SDK2: variants seen among roughly 807,000 people sequenced by gnomAD.
SDK2 encodes protein sidekick-2.
In SDK2, 105 loss-of-function variants were observed where a neutral mutation model predicts 253.9. The observed-to-expected ratio is 0.41, with a 90% confidence interval of 0.35 to 0.49. SDK2 has a LOEUF of 0.49. SDK2 is among the 20% of genes least tolerant of loss of function. SDK2 has a pLI of 0.06. For synonymous variants in SDK2, 1,249 were observed against 1,234.9 expected (o/e 1.01, Z -0.24); for missense variants, 2,608 against 3,003.0 (o/e 0.87, Z 3.07).
chr17:73,402,081 A>G lies in SDK2; in HGVS notation c.2545T>C (p.Phe849Leu). 6.2e-7 allele frequency: 1 copy of G among 1,614,042 alleles called. No individual in the cohort carries two copies. The highest frequency in any genetic ancestry group is 8.5e-7 in the Non-Finnish European group (1 of 1,179,892). Reference sequence around the variant, plus strand: ...AAGCCCACGTGGATGCTGTCTTGAAAGTTAGGCCGGGCGGTCACCATGGTA... The same window carrying G: ...AAGCCCACGTGGATGCTGTCTTGAAGGTTAGGCCGGGCGGTCACCATGGTA... ...EVTMVTARPN[F>L]QDSIHVGFVS... Residue 849 changes from phenylalanine (F) to leucine (L), a missense_variant, in exon 19 of 45, where the codon TTT (phenylalanine) becomes CTT (leucine). Phe to Leu is a conservative substitution (Grantham distance 22, BLOSUM62 0). Around this residue, in one of 2 missense-constraint regions of SDK2, gnomAD observed 1,505 missense variants for 1,859.1 expected, o/e 0.81. Coordinates refer to ENST00000392650, the MANE Select transcript of SDK2 (RefSeq NM_001144952.2).
At chr17:73,430,058 T>C (rs1041451702) in intron 12 of SDK2, among the ~76,000 whole-genome samples, 2 of 152,178 alleles carry the variant, frequency 1.3e-5, no homozygotes, top group African/African-American at 4.8e-5. Flanking sequence ...CCCACCCCTA[T>C]AGCTGATCCC....
Position 73,395,382 on chromosome 17 carries a change from T to G in SDK2, c.3365A>C (p.Glu1122Ala), listed in dbSNP as rs1476796799. The part of the protein sequence containing the change: ...SLWLRWMPLP[E>A]MEYNGNPESV... Reference sequence around the variant, plus strand: ...CTCAGGGTTCCCATTGTATTCCATCTCCGGGAGAGGCTGCAGCGGGGCAGG... The same window carrying G: ...CTCAGGGTTCCCATTGTATTCCATCGCCGGGAGAGGCTGCAGCGGGGCAGG... The change falls in exon 25 of 45, where the codon GAG becomes GCG. Residue 1122 changes from glutamate (E) to alanine (A), a missense_variant. Glu to Ala is a moderately radical substitution (Grantham distance 107). Coordinates refer to ENST00000392650, the MANE Select transcript of SDK2 (RefSeq NM_001144952.2). This position sits in a 1 kb window ranked among gnomAD's most constrained non-coding sequence, Gnocchi z 4.3. The G allele has an allele frequency of 1.9e-6, 3 of 1,613,746 alleles. No individual in the cohort carries two copies. Among genetic ancestry groups the G allele is most frequent in the Non-Finnish European group, 1.7e-6 (2 of 1,179,802 alleles).
At chr17:73,545,118 C>T (rs1163410363) in intron 1 of SDK2, among the ~76,000 whole-genome samples, 1 of 151,964 alleles carries the variant, frequency 6.6e-6, no homozygotes, top group East Asian at 1.9e-4. Flanking sequence ...CACACACACA[C>T]ACACACACAA....
intron 1 of SDK2, among the ~76,000 whole-genome samples, chr17:73,613,691 G>C (rs1418561136): frequency 6.7e-6 from 1 of 149,612 alleles, no homozygotes; most frequent in Non-Finnish European, 1.5e-5. Context: ...CCAGTGGCAC[G>C]TAGGGCCTCA....
At chr17:73,556,790 G>A (rs2045150745) in intron 1 of SDK2, among the ~76,000 whole-genome samples, 1 of 152,174 alleles carries the variant, frequency 6.6e-6, no homozygotes, top group South Asian at 2.1e-4. Flanking sequence ...TCACATCTGA[G>A]CTCTGCCCTG....
chr17:73,559,689 C>T (rs972385988), intron 1 of SDK2, among the ~76,000 whole-genome samples: 9 of 151,352 alleles, frequency 5.9e-5, no homozygotes, highest in African/African-American at 2.2e-4. Flanking sequence ...GGTCTGCAGC[C>T]TGAACAGGAT....
intron 44 of SDK2, among the ~76,000 whole-genome samples, chr17:73,348,372 C>T (rs1351294743): frequency 6.6e-6 from 1 of 152,198 alleles, no homozygotes; most frequent in South Asian, 2.1e-4. Flanking sequence ...CTTCGGGGTA[C>T]CCCCTATGAT....
Position 73,391,527 on chromosome 17 carries a change from G to A in SDK2, c.3910C>T (p.Pro1304Ser). 7.7e-7 allele frequency: 1 copy of A among 1,299,572 alleles called. No individual in the cohort carries two copies. Among genetic ancestry groups the A allele is most frequent in the Non-Finnish European group, 9.8e-7 (1 of 1,016,078 alleles). 80.5% of individuals were successfully genotyped at this position (1,299,572 alleles called of 1,614,324 possible). A position where few individuals can be genotyped will look rare whatever the true frequency, so the allele number is the denominator to read the frequency against. ...ERTLDDVPGP[P>S]MGILFPEVRT... ...ACCTCTGGGAACAGGATGCCCATGG[G>A]TGGTCCTGGGACTGGAGGGGGCAAA... Residue 1304 changes from proline to serine, a missense_variant, in exon 28 of 45, where the codon CCC becomes TCC. Coordinates refer to ENST00000392650, the MANE Select transcript of SDK2 (RefSeq NM_001144952.2).
chr17:73,512,829 G>C (rs1433089706), intron 1 of SDK2, among the ~76,000 whole-genome samples: 1 of 152,154 alleles, frequency 6.6e-6, no homozygotes, highest in Non-Finnish European at 1.5e-5. Context: ...TATGATGAAA[G>C]TAGAATTTCA....
intron 2 of SDK2, among the ~76,000 whole-genome samples, chr17:73,480,485 T>C (rs77436423): frequency 6.6e-6 from 1 of 152,084 alleles, no homozygotes; most frequent in South Asian, 2.1e-4. Context: ...AGTGGATCTT[T>C]TGATTGTGGA....
rs565119879 is a variant in SDK2 at position 73,393,425 on chromosome 17, C to T, written c.3898+135G>A. On this transcript the variant is annotated intron_variant, in intron 27 of 44. Coordinates refer to ENST00000392650, the MANE Select transcript of SDK2 (RefSeq NM_001144952.2). ...AGTGGGGCTGGTAGCTCTGGGTGAC[C>T]CATCCCTACCGGAGGCATCTGAGGC... The T allele has an allele frequency of 5.9e-6, 4 of 679,866 alleles. No individual in the cohort carries two copies. The East Asian group carries it at 9.1e-5, about 16-fold the overall frequency. 42.1% of individuals were successfully genotyped at this position (679,866 alleles called of 1,614,324 possible). A position where few individuals can be genotyped will look rare whatever the true frequency, so the allele number is the denominator to read the frequency against.
In SDK2 at chr17:73,457,706, C is replaced by T. The variant is rs139701343; in HGVS notation, c.332-1653G>A. Among the ~76,000 whole-genome samples the T allele has an allele frequency of 3.2e-3, 487 of 152,124 alleles. 4 individuals carry two copies. The highest frequency in any genetic ancestry group is 0.011 in the African/African-American group (439 of 41,492). ...CCTGGACCTGTGCACAGAATTCCCA[C>T]GTGCAGAAAGATTTCACACTGCTGA... is the stretch of plus-strand genomic sequence containing the variant. On this transcript the variant is annotated intron_variant, in intron 3 of 44. Transcript: ENST00000392650.
intron 1 of SDK2, among the ~76,000 whole-genome samples, chr17:73,596,248 G>A (rs1005939614): frequency 2.6e-5 from 4 of 152,080 alleles, no homozygotes; most frequent in African/African-American, 9.7e-5. Flanking sequence ...AGGCAGTGGC[G>A]ACCTCTATGA....
In SDK2 at chr17:73,643,722, G is replaced by A. The variant is rs1225411803; in HGVS notation, c.64+303C>T. ...TCGCTCCCCTCCCAAGCCGGCGCAG[G>A]GCAGCCACAGCAGACGGGGGGAGGG... On this transcript the variant is annotated intron_variant, in intron 1 of 44. Coordinates refer to ENST00000392650, the MANE Select transcript of SDK2 (RefSeq NM_001144952.2). The surrounding 1 kb of genome is among the most constrained non-coding windows in gnomAD (Gnocchi z 6.9). Among the ~76,000 whole-genome samples, 1 of 152,050 alleles carries A rather than the reference G, an allele frequency of 6.6e-6. No individual in the cohort carries two copies. Among genetic ancestry groups the A allele is most frequent in the Non-Finnish European group, 1.5e-5 (1 of 67,966 alleles).
Position 73,443,796 on chromosome 17 carries a change from CA to C in SDK2, c.614-2874del, listed in dbSNP as rs1042870175. Among the ~76,000 whole-genome samples the C allele has an allele frequency of 2.6e-5, 4 of 152,126 alleles. No homozygotes were observed. Among genetic ancestry groups the C allele is most frequent in the Admixed American group, 2.6e-4 (4 of 15,284 alleles). On this transcript the variant is annotated intron_variant, in intron 5 of 44. Coordinates refer to ENST00000392650, the MANE Select transcript of SDK2 (RefSeq NM_001144952.2). The surrounding 1 kb of genome is among the most constrained non-coding windows in gnomAD (Gnocchi z 4.6). ...TCATCCTACTGAGTTTCAGTCTTCT[CA>C]GGGGGGAAATGGGGATGAAAGTCAC...
At chr17:73,628,474 C>T (rs1220002647) in intron 1 of SDK2, among the ~76,000 whole-genome samples, 1 of 152,230 alleles carries the variant, frequency 6.6e-6, no homozygotes, top group Non-Finnish European at 1.5e-5. Flanking sequence ...AAGGCTCAGT[C>T]ACTGTGAGCT....
chr17:73,386,124 C>T (rs2062870171), intron 31 of SDK2, among the ~76,000 whole-genome samples: 1 of 152,164 alleles, frequency 6.6e-6, no homozygotes, highest in South Asian at 2.1e-4. Flanking sequence ...AGCCCAAACC[C>T]AAGGGTCCCA....
At chr17:73,390,608 G>T in intron 28 of SDK2, 127 bp from the exon 29 acceptor site, 1 of 979,426 alleles carries the variant, frequency 1.0e-6, no homozygotes, top group Non-Finnish European at 1.5e-6. Context: ...GGTCCCTTTG[G>T]CTGTGGTCTG....
At chr17:73,457,959 T>G (rs1265565714) in intron 3 of SDK2, among the ~76,000 whole-genome samples, 3 of 152,148 alleles carry the variant, frequency 2.0e-5, no homozygotes, top group African/African-American at 7.2e-5. Flanking sequence ...TTGGGGTGTG[T>G]GGGCTGACCT....
Sources: allele counts gnomAD v4.1 joint callset (sites outside exome capture counted in the v4.1 genomes callset), GRCh38; gene constraint gnomAD v4.1.1; regional missense constraint gnomAD v4.1.1; non-coding constraint Gnocchi (gnomAD v3.1); transcripts MANE v1.5; gene names NCBI Gene and HGNC (gene_info 2026-07-23, HGNC 2026-07-21).